PEAK1: variants seen among roughly 807,000 people sequenced by gnomAD.
PEAK1 encodes the protein inactive tyrosine-protein kinase PEAK1.
In PEAK1, 54 loss-of-function variants were observed where a neutral mutation model predicts 124.7. That is an observed-to-expected ratio of 0.43 (90% CI 0.35 to 0.54). The LOEUF is 0.54. Among genes scored for constraint, PEAK1 ranks in the 20% least tolerant of loss-of-function variants. The pLI is 0.01. For missense variants in PEAK1, 2,046 were observed against 2,134.5 expected (o/e 0.96, Z 0.82); for synonymous variants, 719 against 760.0 (o/e 0.95, Z 0.89).
At chr15:77,417,593 C>T (rs2072992856) in intron 1 of PEAK1, 1 of 985,282 alleles carries the variant, frequency 1.0e-6, no homozygotes, top group South Asian at 4.7e-5. Flanking sequence ...CTTGTACTCA[C>T]ACTTGGCATG....
intron 1 of PEAK1, among the ~76,000 whole-genome samples, chr15:77,410,104 T>C (rs1174653319): frequency 1.3e-5 from 2 of 151,120 alleles, no homozygotes; most frequent in South Asian, 2.1e-4. Flanking sequence ...AGAGTTTCGC[T>C]CTTTTTGCCC....
chr15:77,338,043 AG>A (rs1405823591), intron 2 of PEAK1: 19 of 982,114 alleles, frequency 1.9e-5, no homozygotes, highest in Non-Finnish European at 2.1e-5. Flanking sequence ...TGTGTAAAGC[AG>A]TAAAAATTTG....
chr15:77,114,513 G>C lies in PEAK1; in HGVS notation c.4884C>G (p.Ile1628Met). The C allele has an allele frequency of 1.2e-6, 2 of 1,614,086 alleles. No homozygotes were observed. Among genetic ancestry groups the C allele is most frequent in the Non-Finnish European group, 1.7e-6 (2 of 1,179,986 alleles). Residue 1628 changes from isoleucine (I) to methionine (M), a missense_variant, in exon 10 of 10, where the codon ATC becomes ATG. Coordinates refer to ENST00000682557, the MANE Select transcript of PEAK1 (RefSeq NM_001385026.1). ...REYTRADLPRIPFRSPYSRGL... is the reference protein window; with the variant it reads ...REYTRADLPRMPFRSPYSRGL... ...CCCGGGAGTAGGGGGAGCGGAATGG[G>C]ATGCGAGGCAGGTCTGCTCGTGTGT...
At chr15:77,355,885 G>A in intron 2 of PEAK1, 1 of 985,362 alleles carries the variant, frequency 1.0e-6, no homozygotes, top group South Asian at 4.7e-5. Context: ...GAAAAATGGA[G>A]AGAACTCAGA....
intron 6 of PEAK1, among the ~76,000 whole-genome samples, chr15:77,244,978 C>T (rs992325788): frequency 6.6e-6 from 1 of 152,196 alleles, no homozygotes; most frequent in Admixed American, 6.5e-5. Context: ...AATGTATACA[C>T]ATTTTCTACA....
At chr15:77,246,884 G>A (rs2060614047) in intron 6 of PEAK1, among the ~76,000 whole-genome samples, 1 of 152,102 alleles carries the variant, frequency 6.6e-6, no homozygotes, top group Non-Finnish European at 1.5e-5. Flanking sequence ...TAAGCATGGT[G>A]GTGGGTGCCT....
At chr15:77,187,578 C>A (rs377664829) in intron 6 of PEAK1, among the ~76,000 whole-genome samples, 1 of 152,142 alleles carries the variant, frequency 6.6e-6, no homozygotes, top group Non-Finnish European at 1.5e-5. Flanking sequence ...AGATTAAACA[C>A]CATATATACA....
At chr15:77,300,526 A>G (rs569159404) in intron 2 of PEAK1, among the ~76,000 whole-genome samples, 15 of 152,204 alleles carry the variant, frequency 9.9e-5, no homozygotes, top group Non-Finnish European at 1.9e-4. Flanking sequence ...TAGTACATAG[A>G]GTTCCCATGT....
chr15:77,257,956 T>A (rs989233225), intron 5 of PEAK1, among the ~76,000 whole-genome samples: 6 of 152,224 alleles, frequency 3.9e-5, no homozygotes, highest in Non-Finnish European at 7.3e-5. Flanking sequence ...AGCTAGCCAG[T>A]TTTCCCATCA....
rs2058353196 is a variant in PEAK1, at chr15:77,201,306, C to G, written c.-114-19266G>C. On this transcript the variant is annotated intron_variant, in intron 6 of 9. Transcript: ENST00000682557. ...AGGCTGGAGTGCAGTGTTGAAATCT[C>G]AGCTCACTGCAAGCTCCACCTCCCG... Among the ~76,000 whole-genome samples, 9 of 134,734 alleles carry G rather than the reference C, an allele frequency of 6.7e-5. No homozygotes were observed. In the Admixed American group the frequency reaches 7.6e-4, roughly 11 times the overall value. The allele number at this position is 134,734 out of a possible 152,430, so 88.4% of individuals were successfully genotyped here.
intron 2 of PEAK1, among the ~76,000 whole-genome samples, chr15:77,327,041 T>C (rs373298766): frequency 4.6e-5 from 7 of 152,130 alleles, no homozygotes; most frequent in African/African-American, 1.7e-4. Flanking sequence ...CTTTAGAATA[T>C]GTAAAGAAAA....
chr15:77,304,410 T>C (rs2063958328), intron 2 of PEAK1, among the ~76,000 whole-genome samples: 1 of 152,020 alleles, frequency 6.6e-6, no homozygotes, highest in Non-Finnish European at 1.5e-5. Flanking sequence ...TGCCTTACAG[T>C]TTTCTAACTG....
At chr15:77,406,951 A>G (rs925098695) in intron 1 of PEAK1, among the ~76,000 whole-genome samples, 12 of 152,240 alleles carry the variant, frequency 7.9e-5, no homozygotes, top group African/African-American at 2.9e-4. Flanking sequence ...AACAGAACAG[A>G]GAACCAAGAA....
intron 7 of PEAK1, among the ~76,000 whole-genome samples, chr15:77,175,867 C>T (rs368607117): frequency 2.2e-4 from 34 of 152,090 alleles, no homozygotes; most frequent in African/African-American, 7.5e-4. Flanking sequence ...TGTCCAACAA[C>T]GATAGACTGG....
intron 8 of PEAK1, among the ~76,000 whole-genome samples, chr15:77,152,021 GAAGA>G (rs2054675304): frequency 6.6e-6 from 1 of 152,122 alleles, no homozygotes; most frequent in African/African-American, 2.4e-5. Context: ...CCAATTCTGT[GAAGA>G]AAGTCACTGG....
intron 5 of PEAK1, among the ~76,000 whole-genome samples, chr15:77,277,484 G>A (rs2062395516): frequency 1.3e-5 from 2 of 152,116 alleles, no homozygotes; most frequent in South Asian, 4.2e-4. Context: ...TTTTAATATT[G>A]TTCTATAGTT....
chr15:77,349,576 C>T (rs1048185943), intron 2 of PEAK1: 13 of 984,554 alleles, frequency 1.3e-5, no homozygotes, highest in East Asian at 1.1e-4. Context: ...AGGTGGGTTA[C>T]GGAGTCACTG....
At chr15:77,280,437 A>G (rs2062602618) in intron 5 of PEAK1, among the ~76,000 whole-genome samples, 1 of 152,156 alleles carries the variant, frequency 6.6e-6, no homozygotes, top group South Asian at 2.1e-4. Context: ...TCTATCTTCA[A>G]TTATTTAATA....
In PEAK1 at chr15:77,327,504, C is replaced by T. The variant is rs574745038; in HGVS notation, c.-603+37659G>A. On this transcript the variant is annotated intron_variant, in intron 2 of 9. Coordinates refer to ENST00000682557, the MANE Select transcript of PEAK1 (RefSeq NM_001385026.1). ...CATGTAAATAACAAGCAGATAACTA[C>T]GAAACAAGTTCTCTTTTATAATGTA... Among the ~76,000 whole-genome samples, 39 of 152,066 alleles carry T rather than the reference C, an allele frequency of 2.6e-4. No individual in the cohort carries two copies. In the South Asian group the frequency reaches 4.2e-3, roughly 16 times the overall value.
Sources: gnomAD v4.1 joint callset for allele counts (sites outside exome capture counted in the v4.1 genomes callset) on GRCh38, gnomAD v4.1.1 for gene constraint, MANE v1.5 for transcripts, NCBI Gene and HGNC (gene_info 2026-07-23, HGNC 2026-07-21) for gene names.